PKHD1L1: variants seen among roughly 807,000 people sequenced by gnomAD.
PKHD1L1 encodes the protein fibrocystin-L.
Under a neutral mutation model 462.9 loss-of-function variants are expected in PKHD1L1, and 434 were observed. That is an observed-to-expected ratio of 0.94 (90% CI 0.87 to 1.02). The LOEUF is 1.02. Ranked by LOEUF, PKHD1L1 falls within the 50% of genes least tolerant of loss-of-function variation. The pLI, the probability that PKHD1L1 is intolerant of heterozygous loss-of-function variation, is 0.00. For synonymous variants in PKHD1L1, 1,781 were observed against 1,750.0 expected, an observed-to-expected ratio of 1.02 and a Z score of -0.44; for missense variants, 5,202 against 5,096.1, an observed-to-expected ratio of 1.02 and a Z score of -0.63.
Position 109,515,282 on chromosome 8 carries a change from A to G in PKHD1L1, c.11666A>G (p.Glu3889Gly). The G allele has an allele frequency of 1.9e-6, 3 of 1,598,812 alleles. No homozygotes were observed. The South Asian group carries it at 3.4e-5, about 18-fold the overall frequency. The change falls in exon 72 of 78, where the codon GAA (glutamate) becomes GGA (glycine). Residue 3889 changes from glutamate (E) to glycine (G), a missense_variant. By Grantham distance (98) the Glu-to-Gly change is moderately conservative. This residue lies in a region of PKHD1L1 where 698 missense variants were observed against 736.3 expected (regional missense o/e 0.95). Transcript: ENST00000378402. The part of the protein sequence containing the change: ...TIWNAQQKHC[E>G]LNNHLYKDQF... ...TGGAATGCCCAGCAGAAACACTGTG[A>G]ACTTAATAACCATCTGTACAAAGGT...
In PKHD1L1 at chr8:109,459,811, T is replaced by A; in HGVS notation, c.7221T>A (p.Pro2407=). The stretch of plus-strand genomic sequence containing the variant: ...ATGTTGAGTGGAATAACAAAATTCC[T>A]GCATGTCCTGATGGATTTGACACAG... ...SDNVEWNNKI[P]ACPDGFDTGE... The change falls in exon 47 of 78, where the codon CCT becomes CCA. Residue 2407 remains proline (P), a synonymous_variant. Coordinates refer to ENST00000378402, the MANE Select transcript of PKHD1L1 (RefSeq NM_177531.6). 1 of 1,611,176 alleles carries A rather than the reference T, an allele frequency of 6.2e-7. No individual in the cohort carries two copies. The highest frequency in any genetic ancestry group is 8.5e-7 in the Non-Finnish European group (1 of 1,178,398).
intron 12 of PKHD1L1, among the ~76,000 whole-genome samples, chr8:109,399,645 C>T (rs1813170264): frequency 1.3e-5 from 2 of 151,808 alleles, no homozygotes; most frequent in African/African-American, 4.8e-5. Context: ...GCTTTGTAAG[C>T]CATTAATTTA....
At chr8:109,465,374 T>C (rs187870300) in intron 49 of PKHD1L1, 129 bp downstream of exon 49, 2 of 993,742 alleles carry the variant, frequency 2.0e-6, no homozygotes, top group East Asian at 5.3e-5. Context: ...ACTAATAATT[T>C]AAATGATAGA....
chr8:109,421,150 T>C (rs1814443058), intron 23 of PKHD1L1, among the ~76,000 whole-genome samples: 1 of 151,832 alleles, frequency 6.6e-6, no homozygotes, highest in Non-Finnish European at 1.5e-5. Context: ...ACATTTGTAA[T>C]AAGATTAATA....
At chr8:109,513,046 T>C (rs1563627771) in intron 71 of PKHD1L1, among the ~76,000 whole-genome samples, 1 of 151,732 alleles carries the variant, frequency 6.6e-6, no homozygotes, top group Non-Finnish European at 1.5e-5. Flanking sequence ...ACATTGATTT[T>C]GTATCCTGAG....
At chr8:109,378,417 C>T (rs1209351155) in intron 2 of PKHD1L1, among the ~76,000 whole-genome samples, 1 of 152,182 alleles carries the variant, frequency 6.6e-6, no homozygotes, top group East Asian at 1.9e-4. Context: ...TCTCTTCACC[C>T]ATACTTCTTC....
intron 50 of PKHD1L1, among the ~76,000 whole-genome samples, chr8:109,473,518 G>T: frequency 7.6e-6 from 1 of 131,104 alleles, no homozygotes; most frequent in Non-Finnish European, 1.7e-5. Flanking sequence ...TCCATCTCAA[G>T]AAAAAAAAAA....
At chr8:109,430,454 C>T (rs764091476) in intron 27 of PKHD1L1, among the ~76,000 whole-genome samples, 1 of 152,114 alleles carries the variant, frequency 6.6e-6, no homozygotes, top group Non-Finnish European at 1.5e-5. Context: ...AACAAGACAT[C>T]TGCTGTTTCA....
intron 57 of PKHD1L1, among the ~76,000 whole-genome samples, chr8:109,484,494 G>A (rs1232473123): frequency 6.6e-6 from 1 of 151,912 alleles, no homozygotes; most frequent in Admixed American, 6.6e-5. Context: ...GACTGCCATG[G>A]CAAAGAGTAG....
intron 21 of PKHD1L1, among the ~76,000 whole-genome samples, chr8:109,418,270 T>C (rs950306689): frequency 2.6e-5 from 4 of 152,112 alleles, no homozygotes; most frequent in Non-Finnish European, 5.9e-5. Context: ...CTTAACTTAA[T>C]GTCGTTTGCA....
At chr8:109,521,725 G>A (rs1477110699) in intron 73 of PKHD1L1, among the ~76,000 whole-genome samples, 1 of 152,130 alleles carries the variant, frequency 6.6e-6, no homozygotes, top group Non-Finnish European at 1.5e-5. Flanking sequence ...GTAACAATTG[G>A]TTAGTAATTT....
chr8:109,497,871 G>C (rs550151445), intron 65 of PKHD1L1, among the ~76,000 whole-genome samples: 2 of 151,812 alleles, frequency 1.3e-5, no homozygotes, highest in African/African-American at 4.8e-5. Context: ...CCACTTTTTT[G>C]TGCCTACTGT....
chr8:109,525,117 C>T (rs1410088925), intron 76 of PKHD1L1, among the ~76,000 whole-genome samples: 3 of 152,180 alleles, frequency 2.0e-5, no homozygotes, highest in Non-Finnish European at 4.4e-5. Context: ...TTAACCCCCA[C>T]AGTCACTGCA....
intron 2 of PKHD1L1, among the ~76,000 whole-genome samples, chr8:109,365,125 T>C (rs1320874041): frequency 6.6e-6 from 1 of 152,192 alleles, no homozygotes; most frequent in Non-Finnish European, 1.5e-5. Flanking sequence ...GTACCGTACA[T>C]GGTTCCCCTT....
intron 76 of PKHD1L1, among the ~76,000 whole-genome samples, chr8:109,526,378 C>T (rs1820815367): frequency 1.3e-5 from 2 of 152,144 alleles, no homozygotes; most frequent in African/African-American, 4.8e-5. Flanking sequence ...TATCCAACCC[C>T]ACCTCCCCCA....
intron 21 of PKHD1L1, among the ~76,000 whole-genome samples, chr8:109,415,316 T>C (rs759878065): frequency 1.3e-5 from 2 of 152,144 alleles, no homozygotes; most frequent in Non-Finnish European, 2.9e-5. Flanking sequence ...CCCAACACTA[T>C]TTTCAAAATG....
At chr8:109,529,299 C>G (rs1366083061) in intron 77 of PKHD1L1, among the ~76,000 whole-genome samples, 1 of 152,054 alleles carries the variant, frequency 6.6e-6, no homozygotes, top group East Asian at 1.9e-4. Flanking sequence ...CTTGTTCTGG[C>G]CTCTTATAGC....
intron 21 of PKHD1L1, 34 bp downstream of exon 21, chr8:109,413,579 T>C (rs1813975427): frequency 6.9e-7 from 1 of 1,442,422 alleles, no homozygotes; most frequent in Non-Finnish European, 9.2e-7. Context: ...AATTACATTA[T>C]ACCATGGTAT....
chr8:109,387,461 C>T (rs2130461274), intron 6 of PKHD1L1, among the ~76,000 whole-genome samples: 1 of 152,290 alleles, frequency 6.6e-6, no homozygotes, highest in South Asian at 2.1e-4. Context: ...TTATTGTCTG[C>T]AGGCTTGGGC....
Sources: gnomAD v4.1 joint callset for allele counts (sites outside exome capture counted in the v4.1 genomes callset) on GRCh38, gnomAD v4.1.1 for gene constraint, gnomAD v4.1.1 regional missense constraint, MANE v1.5 for transcripts, NCBI Gene and HGNC (gene_info 2026-07-23, HGNC 2026-07-21) for gene names.